Variants in TSPAN5 observed in about 807,000 individuals in gnomAD.
TSPAN5 encodes the protein tetraspanin 5.
Under a neutral mutation model 37.1 loss-of-function variants are expected in TSPAN5, and 10 were observed. The ratio of observed to expected loss-of-function variants is 0.27; its 90% CI spans 0.17 to 0.46. The LOEUF is 0.46. Ranked by LOEUF, TSPAN5 falls within the 20% of genes least tolerant of loss-of-function variation. The pLI is 1.00. For missense variants in TSPAN5, 195 were observed against 326.6 expected (o/e 0.60, Z 3.11); for synonymous variants, 110 against 118.9 (o/e 0.93, Z 0.48).
At chr4:98,620,164 C>T (rs1012986208) in intron 1 of TSPAN5, among the ~76,000 whole-genome samples, 3 of 97,512 alleles carry the variant, frequency 3.1e-5, no homozygotes, top group South Asian at 3.5e-4. Flanking sequence ...TTGGAAATGA[C>T]GCTATGTAAC....
chr4:98,646,507 C>A (rs1168507654), intron 1 of TSPAN5, among the ~76,000 whole-genome samples: 1 of 152,164 alleles, frequency 6.6e-6, no homozygotes, highest in East Asian at 1.9e-4. Context: ...ATCAGAAACT[C>A]AACTTCCCAG....
chr4:98,556,944 A>T (rs1401796653), intron 1 of TSPAN5, among the ~76,000 whole-genome samples: 1 of 152,224 alleles, frequency 6.6e-6, no homozygotes, highest in African/African-American at 2.4e-5. Flanking sequence ...TAAATTTGTT[A>T]AAAATTATAC....
chr4:98,580,862 G>A (rs1404957868), intron 1 of TSPAN5, among the ~76,000 whole-genome samples: 1 of 141,882 alleles, frequency 7.0e-6, no homozygotes, highest in African/African-American at 2.4e-5. Context: ...AAAGGACAAG[G>A]CTGACAGAGT....
intron 1 of TSPAN5, among the ~76,000 whole-genome samples, chr4:98,541,760 T>A (rs1754365509): frequency 6.6e-6 from 1 of 151,916 alleles, no homozygotes; most frequent in Admixed American, 6.6e-5. Context: ...TGCCACACTT[T>A]CTTGGGTGCC....
chr4:98,483,180 A>G (rs1752886177), intron 3 of TSPAN5: 1 of 152,292 alleles, frequency 6.6e-6, no homozygotes, highest in African/African-American at 2.4e-5. Flanking sequence ...TGGTGACAAC[A>G]GCAGAGAGGG....
intron 1 of TSPAN5, among the ~76,000 whole-genome samples, chr4:98,611,363 C>T (rs1756184407): frequency 6.6e-6 from 1 of 152,144 alleles, no homozygotes; most frequent in Non-Finnish European, 1.5e-5. Context: ...TAAGAATCAA[C>T]TATTAAAGCA....
chr4:98,567,064 C>T (rs1755021028), intron 1 of TSPAN5, among the ~76,000 whole-genome samples: 1 of 152,240 alleles, frequency 6.6e-6, no homozygotes, highest in Non-Finnish European at 1.5e-5. Context: ...CTGGCCAATT[C>T]TTGCAAAGGG....
At chr4:98,532,824 G>C (rs1754126862) in intron 1 of TSPAN5, among the ~76,000 whole-genome samples, 1 of 152,102 alleles carries the variant, frequency 6.6e-6, no homozygotes, top group African/African-American at 2.4e-5. Flanking sequence ...ATTGGCTGTG[G>C]GTTTGTCATA....
chr4:98,525,350 G>C (rs1023084043), intron 1 of TSPAN5, among the ~76,000 whole-genome samples: 1 of 152,136 alleles, frequency 6.6e-6, no homozygotes, highest in Non-Finnish European at 1.5e-5. Context: ...GTTTTCTTTG[G>C]GTACTCTGGT....
At chr4:98,652,032 T>C (rs562825436) in intron 1 of TSPAN5, among the ~76,000 whole-genome samples, 2 of 139,860 alleles carry the variant, frequency 1.4e-5, no homozygotes, top group South Asian at 4.3e-4. Context: ...TAATTTTTAA[T>C]TTTTTTTTGT....
At position 98,645,533 on chromosome 4, in the gene TSPAN5, T is replaced by A. The variant is rs148431596; in HGVS notation, c.81+12613A>T. 4.0e-3 allele frequency among the ~76,000 whole-genome samples: 611 copies of A among 152,226 alleles called. 8 individuals are homozygous for A. Among genetic ancestry groups the A allele is most frequent in the African/African-American group, 0.014 (594 of 41,524 alleles). On this transcript the variant is annotated intron_variant, in intron 1 of 7. Transcript: ENST00000305798. ...CCAGAATCCGCATTTGAACAACATATCCCATGCCACTTGTATGCATATTAA... is the reference window on the plus strand; with the variant it reads ...CCAGAATCCGCATTTGAACAACATAACCCATGCCACTTGTATGCATATTAA...
chr4:98,580,292 G>A (rs1755338743), intron 1 of TSPAN5, among the ~76,000 whole-genome samples: 1 of 152,188 alleles, frequency 6.6e-6, no homozygotes, highest in South Asian at 2.1e-4. Context: ...GATGTGGACT[G>A]CACAGTTGAG....
intron 1 of TSPAN5, among the ~76,000 whole-genome samples, chr4:98,542,966 A>G (rs1754392959): frequency 6.6e-6 from 1 of 152,160 alleles, no homozygotes; most frequent in Non-Finnish European, 1.5e-5. Flanking sequence ...GGACACTTAG[A>G]CAAGAAAAAG....
intron 2 of TSPAN5, among the ~76,000 whole-genome samples, chr4:98,504,688 G>A (rs1753435081): frequency 2.0e-5 from 3 of 152,164 alleles, no homozygotes; most frequent in African/African-American, 2.4e-5. Flanking sequence ...TCTATAAGGT[G>A]AGAACAGTAT....
At chr4:98,625,374 C>T (rs544672725) in intron 1 of TSPAN5, among the ~76,000 whole-genome samples, 19 of 152,234 alleles carry the variant, frequency 1.2e-4, no homozygotes, top group African/African-American at 4.3e-4. Context: ...CTGATAGTTC[C>T]GAGCAGAATT....
intron 1 of TSPAN5, among the ~76,000 whole-genome samples, chr4:98,578,928 A>G (rs997552497): frequency 6.6e-5 from 10 of 152,290 alleles, no homozygotes; most frequent in African/African-American, 1.7e-4. Context: ...GAAAGCTTCT[A>G]TAGGGTAACA....
At chr4:98,563,950 G>A (rs1162205135) in intron 1 of TSPAN5, among the ~76,000 whole-genome samples, 2 of 152,154 alleles carry the variant, frequency 1.3e-5, no homozygotes, top group Non-Finnish European at 2.9e-5. Context: ...GGCCCACTAC[G>A]TCAACAGTGC....
At position 98,550,215 on chromosome 4, in the gene TSPAN5, C is replaced by T. The variant is rs1322082895; in HGVS notation, c.82-42487G>A. 2.0e-5 allele frequency among the ~76,000 whole-genome samples: 3 copies of T among 152,026 alleles called. No individual in the cohort carries two copies. In the East Asian group the frequency reaches 5.8e-4, roughly 29 times the overall value. On this transcript the variant is annotated intron_variant, in intron 1 of 7. Coordinates refer to ENST00000305798, the MANE Select transcript of TSPAN5 (RefSeq NM_005723.4). ...TGTAGATATGTGGCTTTATTTTTGG[C>T]TTCTCTATTCTATTCCACTGATCTA...
rs144931828 is a variant in TSPAN5, at chr4:98,526,695, G to A, written c.82-18967C>T. Among the ~76,000 whole-genome samples the A allele has an allele frequency of 8.1e-3, 1,216 of 149,938 alleles. 11 individuals carry two copies. Among genetic ancestry groups the A allele is most frequent in the Middle Eastern group, 0.021 (6 of 292 alleles). ...AGATGAGGGAAGATTTCATGAGGGG[G>A]TACAGGTCTCAAGGGGGGTGGAGGA... On this transcript the variant is annotated intron_variant, in intron 1 of 7. Coordinates refer to ENST00000305798, the MANE Select transcript of TSPAN5 (RefSeq NM_005723.4).
Sources: gnomAD v4.1 joint callset for allele counts (sites outside exome capture counted in the v4.1 genomes callset) on GRCh38, gnomAD v4.1.1 for gene constraint, MANE v1.5 for transcripts, NCBI Gene and HGNC (gene_info 2026-07-23, HGNC 2026-07-21) for gene names.